LRRIQ1: variants seen among roughly 807,000 people sequenced by gnomAD.
LRRIQ1 encodes the protein leucine-rich repeat- and IQ domain-containing protein 1.
A neutral mutation model predicts 211.9 loss-of-function variants in LRRIQ1; 210 were observed. The ratio of observed to expected loss-of-function variants is 0.99; its 90% CI spans 0.89 to 1.11. The LOEUF is 1.11. Among genes scored for constraint, LRRIQ1 ranks in the 50% most tolerant of loss-of-function variants. LRRIQ1 has a pLI of 0.00. For synonymous variants in LRRIQ1, 699 were observed against 650.1 expected (o/e 1.08, Z -1.14); for missense variants, 2,136 against 1,939.5 (o/e 1.10, Z -1.90).
intron 8 of LRRIQ1, among the ~76,000 whole-genome samples, chr12:85,057,744 T>C (rs1182654292): frequency 6.6e-6 from 1 of 152,054 alleles, no homozygotes; most frequent in Admixed American, 6.6e-5. Context: ...ATGTTACTAA[T>C]TTTATATGGT....
chr12:85,063,944 A>G (rs1228137170), intron 8 of LRRIQ1, among the ~76,000 whole-genome samples: 2 of 151,816 alleles, frequency 1.3e-5, no homozygotes, highest in South Asian at 2.1e-4. Context: ...CTGTTGATGA[A>G]CACTTAGGTT....
chr12:85,261,877 G>A (rs529820039), intron 1 of LRRIQ1, among the ~76,000 whole-genome samples: 4 of 151,580 alleles, frequency 2.6e-5, no homozygotes, highest in Admixed American at 6.6e-5. Flanking sequence ...GCAACCCTCC[G>A]CCTCCCAGGT....
chr12:85,190,011 G>A (rs1049996308), intron 24 of LRRIQ1, among the ~76,000 whole-genome samples: 1 of 140,226 alleles, frequency 7.1e-6, no homozygotes, highest in African/African-American at 2.6e-5. Context: ...AATTTAATAT[G>A]TTATAATTTT....
chr12:85,154,787 T>C (rs984350995), intron 23 of LRRIQ1, among the ~76,000 whole-genome samples: 3 of 151,194 alleles, frequency 2.0e-5, no homozygotes, highest in Non-Finnish European at 4.4e-5. Flanking sequence ...CTCATATAAA[T>C]ATAAGAACAT....
At chr12:85,202,232 GT>G in intron 24 of LRRIQ1, among the ~76,000 whole-genome samples, 1 of 152,144 alleles carries the variant, frequency 6.6e-6, no homozygotes, top group Non-Finnish European at 1.5e-5. Flanking sequence ...TTTAGAGTAT[GT>G]GCCATAAGCA....
At chr12:85,101,574 G>A (rs1886348217) in intron 13 of LRRIQ1, among the ~76,000 whole-genome samples, 1 of 151,758 alleles carries the variant, frequency 6.6e-6, no homozygotes, top group African/African-American at 2.4e-5. Flanking sequence ...TGTCTTTCTG[G>A]TTTGAATTTT....
rs1405267196 is a variant in LRRIQ1, at chr12:85,046,120, A to G, written c.437A>G (p.Asp146Gly). The G allele has an allele frequency of 6.2e-7, 1 of 1,600,872 alleles. No individual in the cohort carries two copies. Among genetic ancestry groups the G allele is most frequent in the African/African-American group, 1.3e-5 (1 of 74,768 alleles). The change falls in exon 5 of 27, where the codon GAT becomes GGT. Residue 146 changes from aspartate (D) to glycine (G), a missense_variant. Physicochemically the swap from Asp to Gly is moderately conservative, Grantham distance 94 (BLOSUM62 -1). Coordinates refer to ENST00000393217, the MANE Select transcript of LRRIQ1 (RefSeq NM_001079910.2). ...PEPSPHDLPM[D>G]EHVLPDDADI... Reference sequence around the variant, plus strand: ...CCTAGTCCTCATGACTTGCCTATGGATGAACATGTTTTACCAGGTGGACTA... The same window carrying G: ...CCTAGTCCTCATGACTTGCCTATGGGTGAACATGTTTTACCAGGTGGACTA...
intron 24 of LRRIQ1, among the ~76,000 whole-genome samples, chr12:85,207,191 A>T (rs192675451): frequency 6.6e-6 from 1 of 152,088 alleles, no homozygotes; most frequent in African/African-American, 2.4e-5. Flanking sequence ...CCCAGTACAC[A>T]GTAGCCTTGT....
At chr12:85,070,213 G>A (rs73180564) in intron 10 of LRRIQ1, among the ~76,000 whole-genome samples, 4,830 of 151,970 alleles carry the variant, frequency 0.032, 153 homozygotes, top group Admixed American at 0.089. Flanking sequence ...GATTGCATCC[G>A]CAGTCATACA....
chr12:85,208,067 A>G (rs1247888106), intron 24 of LRRIQ1, among the ~76,000 whole-genome samples: 1 of 151,834 alleles, frequency 6.6e-6, no homozygotes, highest in African/African-American at 2.4e-5. Context: ...ATATATATAC[A>G]TATATTAACG....
intron 8 of LRRIQ1, among the ~76,000 whole-genome samples, chr12:85,062,513 C>T (rs1337355297): frequency 1.3e-5 from 2 of 151,152 alleles, no homozygotes; most frequent in African/African-American, 2.4e-5. Context: ...AACCATGTTG[C>T]TGCGAAAGGC....
At chr12:85,057,612 A>G (rs1375835019) in intron 8 of LRRIQ1, among the ~76,000 whole-genome samples, 1 of 152,090 alleles carries the variant, frequency 6.6e-6, no homozygotes, top group Non-Finnish European at 1.5e-5. Flanking sequence ...CTGTTGTGAA[A>G]GAAGGGCTTG....
intron 11 of LRRIQ1, among the ~76,000 whole-genome samples, chr12:85,082,584 C>G (rs1884416292): frequency 6.6e-6 from 1 of 152,062 alleles, no homozygotes; most frequent in South Asian, 2.1e-4. Flanking sequence ...TTCTATATCT[C>G]TATCTCTCTT....
intron 25 of LRRIQ1, 122 bp downstream of exon 25, chr12:85,229,771 C>A: frequency 1.1e-6 from 1 of 908,230 alleles, no homozygotes. Flanking sequence ...GCTACGTTGC[C>A]GGGTAATACA....
chr12:85,055,982 A>T lies in LRRIQ1; in HGVS notation c.1189A>T (p.Ser397Cys). 1.9e-6 allele frequency: 3 copies of T among 1,609,654 alleles called. No homozygotes were observed. In the East Asian group the frequency reaches 6.7e-5, roughly 36 times the overall value. Residue 397 changes from serine (S) to cysteine (C), a missense_variant, in exon 8 of 27, where the codon AGT becomes TGT. Physicochemically the swap from Ser to Cys is moderately radical, Grantham distance 112. Transcript: ENST00000393217. ...REDASQQLII[S>C]SALKKSGYNN... ...AGATGCAAGCCAACAGCTAATAATA[A>T]GTAGTGCATTAAAGAAGAGCGGATA...
intron 13 of LRRIQ1, among the ~76,000 whole-genome samples, chr12:85,103,495 A>G (rs1305747604): frequency 1.3e-5 from 2 of 151,758 alleles, no homozygotes; most frequent in African/African-American, 4.8e-5. Context: ...TTTAAAACAA[A>G]ACTAGTGATT....
intron 15 of LRRIQ1, among the ~76,000 whole-genome samples, chr12:85,115,859 TTATC>T (rs1371447911): frequency 1.3e-5 from 2 of 152,120 alleles, no homozygotes; most frequent in African/African-American, 2.4e-5. Context: ...TAAAATATAT[TTATC>T]TGTTCATTTT....
downstream of LRRIQ1, among the ~76,000 whole-genome samples, chr12:85,248,622 A>G (rs1375289910): frequency 6.6e-6 from 1 of 151,708 alleles, no homozygotes; most frequent in Non-Finnish European, 1.5e-5. Context: ...CTTTGGTTAT[A>G]TCTAAACTTA....
intron 18 of LRRIQ1, among the ~76,000 whole-genome samples, chr12:85,135,929 G>A (rs1469096236): frequency 6.6e-6 from 1 of 151,556 alleles, no homozygotes; most frequent in Non-Finnish European, 1.5e-5. Flanking sequence ...CTACTGGTTT[G>A]GTCATTATTT....
Sources: allele counts gnomAD v4.1 joint callset (sites outside exome capture counted in the v4.1 genomes callset), GRCh38; gene constraint gnomAD v4.1.1; transcripts MANE v1.5; gene names NCBI Gene and HGNC (gene_info 2026-07-23, HGNC 2026-07-21).